The following OPCML variants were observed in gnomAD, a reference collection of about 807,000 sequenced individuals.
OPCML encodes the protein opioid binding protein/cell adhesion molecule like, also known as opioid-binding protein/cell adhesion molecule.
In OPCML, 13 loss-of-function variants were observed where a neutral mutation model predicts 37.8. The observed-to-expected ratio is 0.34, with a 90% CI of 0.22 to 0.55. OPCML has a LOEUF of 0.55. OPCML is among the 20% of genes least tolerant of loss of function. OPCML has a pLI of 0.91. For synonymous variants in OPCML, 176 were observed against 168.8 expected (o/e 1.04, Z -0.33); for missense variants, 341 against 435.6 (o/e 0.78, Z 1.93).
chr11:133,086,670 T>C (rs1345921356), intron 1 of OPCML, among the ~76,000 whole-genome samples: 5 of 152,222 alleles, frequency 3.3e-5, no homozygotes, highest in Non-Finnish European at 7.3e-5. Flanking sequence ...ACCCGTGCTG[T>C]ACCTTAGGTC....
At chr11:132,483,490 C>T (rs1170043323) in intron 4 of OPCML, among the ~76,000 whole-genome samples, 2 of 152,098 alleles carry the variant, frequency 1.3e-5, no homozygotes, top group Non-Finnish European at 2.9e-5. Context: ...GGCCATACTG[C>T]CCAAGGTAAT....
chr11:132,752,391 T>C (rs2136072445), intron 2 of OPCML, among the ~76,000 whole-genome samples: 1 of 152,296 alleles, frequency 6.6e-6, no homozygotes, highest in East Asian at 1.9e-4. Flanking sequence ...ACTTACAGGC[T>C]TTCATCAACA....
intron 3 of OPCML, among the ~76,000 whole-genome samples, chr11:132,640,015 G>A (rs912704578): frequency 2.0e-5 from 3 of 152,136 alleles, no homozygotes; most frequent in Admixed American, 6.5e-5. Flanking sequence ...CCTTCCTAAC[G>A]TTAGAGAAGT....
Position 132,541,849 on chromosome 11 carries a change from G to T in OPCML, c.380-12663C>A, listed in dbSNP as rs373992115. On this transcript the variant is annotated intron_variant, in intron 3 of 7. Coordinates refer to ENST00000524381, the MANE Select transcript of OPCML (RefSeq NM_001012393.5). ...GGCCAGCATCTCTCCACTCTTGCTG[G>T]CAGGGCTTTTGGTTTGGACACAGTG... Among the ~76,000 whole-genome samples the T allele has an allele frequency of 4.7e-4, 72 of 152,266 alleles. No homozygotes were observed. In the Middle Eastern group the frequency reaches 0.014, roughly 29 times the overall value.
intron 4 of OPCML, among the ~76,000 whole-genome samples, chr11:132,485,071 TA>T (rs1296919558): frequency 2.0e-5 from 3 of 149,438 alleles, no homozygotes; most frequent in East Asian, 2.0e-4. Flanking sequence ...AGTATAATAA[TA>T]AAAAAATAAT....
intron 4 of OPCML, among the ~76,000 whole-genome samples, chr11:132,468,505 T>C (rs1299010486): frequency 1.3e-5 from 2 of 152,208 alleles, no homozygotes; most frequent in Non-Finnish European, 2.9e-5. Flanking sequence ...GTTACAGTAA[T>C]ACCTAACACT....
chr11:132,978,676 C>G (rs903816302), intron 1 of OPCML, among the ~76,000 whole-genome samples: 1 of 152,170 alleles, frequency 6.6e-6, no homozygotes, highest in African/African-American at 2.4e-5. Context: ...GTCTTTGGAT[C>G]TCTGTCCTCC....
intron 1 of OPCML, among the ~76,000 whole-genome samples, chr11:133,166,414 C>A (rs1950208665): frequency 6.6e-6 from 1 of 152,228 alleles, no homozygotes; most frequent in Non-Finnish European, 1.5e-5. Context: ...TGCTCAAGGC[C>A]ATACAGCTCC....
rs372825955 is a variant in OPCML at position 132,973,733 on chromosome 11, T to A, written c.62-30723A>T. Among the ~76,000 whole-genome samples, 6 of 152,346 alleles carry A rather than the reference T, an allele frequency of 3.9e-5. No homozygotes were observed. In the East Asian group the frequency reaches 5.8e-4, roughly 15 times the overall value. On this transcript the variant is annotated intron_variant, in intron 1 of 7. Coordinates refer to ENST00000524381, the MANE Select transcript of OPCML (RefSeq NM_001012393.5). ...TTCCAGCTAATCTTTGGTCACTTCA[T>A]ACATCTACTTTCCACAATGACTTTT...
intron 1 of OPCML, among the ~76,000 whole-genome samples, chr11:132,965,974 G>A (rs141899709): frequency 2.7e-4 from 40 of 150,550 alleles, no homozygotes; most frequent in African/African-American, 7.4e-4. Context: ...TGTCAATTTT[G>A]TTGATATTTT....
intron 1 of OPCML, among the ~76,000 whole-genome samples, chr11:133,508,248 G>C (rs1948078900): frequency 6.6e-6 from 1 of 152,140 alleles, no homozygotes; most frequent in African/African-American, 2.4e-5. Context: ...GGAAGAAAAT[G>C]TGCTTGGGCT....
chr11:133,321,788 T>A (rs947145328), intron 1 of OPCML, among the ~76,000 whole-genome samples: 2 of 152,112 alleles, frequency 1.3e-5, no homozygotes, highest in Non-Finnish European at 2.9e-5. Context: ...TATTAGAAAC[T>A]CGAGTTTGAT....
chr11:133,504,546 T>C (rs1947986354), intron 1 of OPCML, among the ~76,000 whole-genome samples: 1 of 152,166 alleles, frequency 6.6e-6, no homozygotes, highest in Admixed American at 6.5e-5. Context: ...AACAGACTTT[T>C]GTGAGTGCTG....
intron 4 of OPCML, among the ~76,000 whole-genome samples, chr11:132,485,591 C>A (rs1191079492): frequency 3.3e-5 from 5 of 152,222 alleles, no homozygotes; most frequent in Non-Finnish European, 7.3e-5. Context: ...TGATCAATTT[C>A]TCCTACTATG....
At chr11:132,787,586 T>C (rs1345374618) in intron 2 of OPCML, among the ~76,000 whole-genome samples, 6 of 152,144 alleles carry the variant, frequency 3.9e-5, no homozygotes, top group African/African-American at 9.7e-5. Context: ...ACTTTGAATA[T>C]TACAAGCACT....
intron 1 of OPCML, among the ~76,000 whole-genome samples, chr11:133,356,069 C>CA (rs1194446899): frequency 2.9e-4 from 44 of 152,040 alleles, no homozygotes; most frequent in Non-Finnish European, 4.4e-5. Context: ...TAGAACCAGG[C>CA]AAAAAATAAG....
intron 1 of OPCML, among the ~76,000 whole-genome samples, chr11:133,204,078 A>G (rs1938927670): frequency 6.7e-6 from 1 of 148,354 alleles, no homozygotes; most frequent in Admixed American, 6.7e-5. Context: ...AAAAAAAAAA[A>G]AAAAAAAAAA....
intron 1 of OPCML, among the ~76,000 whole-genome samples, chr11:133,023,957 A>G (rs973201870): frequency 6.6e-6 from 1 of 152,204 alleles, no homozygotes; most frequent in African/African-American, 2.4e-5. Context: ...AATAACAGTC[A>G]CTGAGCAGCC....
At chr11:132,553,768 T>C (rs1167013331) in intron 3 of OPCML, among the ~76,000 whole-genome samples, 1 of 152,214 alleles carries the variant, frequency 6.6e-6, no homozygotes, top group Non-Finnish European at 1.5e-5. Flanking sequence ...GAATGAATAA[T>C]GCATTCCTGT....
Sources: allele counts gnomAD v4.1 joint callset (sites outside exome capture counted in the v4.1 genomes callset), GRCh38; gene constraint gnomAD v4.1.1; transcripts MANE v1.5; gene names NCBI Gene and HGNC (gene_info 2026-07-23, HGNC 2026-07-21).